KIF13B: variants seen among roughly 807,000 people sequenced by gnomAD.
The protein encoded by KIF13B is kinesin family member 13B.
A neutral mutation model predicts 222.0 loss-of-function variants in KIF13B; 127 were observed. The observed-to-expected ratio is 0.57, with a 90% CI of 0.50 to 0.66. The LOEUF (loss-of-function observed/expected upper bound fraction) is 0.66. KIF13B is among the 30% of genes least tolerant of loss of function. The pLI is 0.00. For missense variants in KIF13B, 2,173 were observed against 2,379.0 expected (o/e 0.91, Z 1.80); for synonymous variants, 976 against 919.0 (o/e 1.06, Z -1.12).
chr8:29,113,323 T>G, intron 32 of KIF13B, 140 bp downstream of exon 32: 1 of 538,088 alleles, frequency 1.9e-6, no homozygotes, highest in Non-Finnish European at 3.2e-6. Context: ...GAATTGATAT[T>G]AGAAAATTCC....
chr8:29,094,387 G>A (rs1330186753), intron 36 of KIF13B, among the ~76,000 whole-genome samples: 2 of 152,178 alleles, frequency 1.3e-5, no homozygotes, highest in Non-Finnish European at 1.5e-5. Context: ...ATGCATGGTC[G>A]TGAAGTATTT....
chr8:29,130,231 G>T (rs1370954837), intron 24 of KIF13B, among the ~76,000 whole-genome samples: 1 of 151,972 alleles, frequency 6.6e-6, no homozygotes, highest in African/African-American at 2.4e-5. Context: ...TCAATATTTG[G>T]CTGACAGCAG....
intron 4 of KIF13B, among the ~76,000 whole-genome samples, chr8:29,188,957 C>T (rs998053486): frequency 3.3e-5 from 5 of 152,176 alleles, no homozygotes; most frequent in African/African-American, 1.2e-4. Flanking sequence ...ACCACTCAGG[C>T]AATGCTTTTA....
chr8:29,141,170 A>C (rs1586833091), intron 19 of KIF13B, among the ~76,000 whole-genome samples: 1 of 152,056 alleles, frequency 6.6e-6, no homozygotes, highest in Admixed American at 6.6e-5. Flanking sequence ...CCCGTCTCTA[A>C]TAAAAATACA....
chr8:29,151,480 T>A (rs1310392579), intron 14 of KIF13B, among the ~76,000 whole-genome samples: 3 of 152,238 alleles, frequency 2.0e-5, no homozygotes, highest in Non-Finnish European at 4.4e-5. Context: ...AAAGCTTCAA[T>A]GGCAGGCTGA....
chr8:29,111,133 T>C (rs6992240), intron 32 of KIF13B, among the ~76,000 whole-genome samples: 95,966 of 152,104 alleles, frequency 0.63, 31,008 homozygotes, highest in Non-Finnish European at 0.69. Flanking sequence ...ATCTGAGCCT[T>C]GTAATAACCA....
chr8:29,146,054 G>A (rs1046931092), intron 18 of KIF13B: 5 of 541,040 alleles, frequency 9.2e-6, no homozygotes, highest in African/African-American at 7.6e-5. Context: ...GTAGCATAAG[G>A]AAGGAAAAAA....
chr8:29,186,955 C>G (rs951828980), intron 5 of KIF13B, among the ~76,000 whole-genome samples: 7 of 130,488 alleles, frequency 5.4e-5, no homozygotes, highest in Non-Finnish European at 1.1e-4. Flanking sequence ...GGCTACAGAG[C>G]AACACTCCAT....
At chr8:29,176,207 T>A in intron 9 of KIF13B, 28 bp from the exon 10 acceptor site, 1 of 1,321,860 alleles carries the variant, frequency 7.6e-7, no homozygotes. Context: ...CCAAAATAAT[T>A]ACAAAAATGA....
intron 2 of KIF13B, among the ~76,000 whole-genome samples, chr8:29,198,960 TG>T (rs1425075704): frequency 2.0e-5 from 3 of 152,100 alleles, no homozygotes; most frequent in Non-Finnish European, 4.4e-5. Context: ...GATTACATAT[TG>T]GGTACAATGT....
At chr8:29,217,183 G>C (rs1047766712) in intron 2 of KIF13B, among the ~76,000 whole-genome samples, 4 of 152,130 alleles carry the variant, frequency 2.6e-5, no homozygotes. Flanking sequence ...ACCCTGTAGA[G>C]GAGGCCTGCA....
At chr8:29,190,822 A>T (rs949200970) in intron 4 of KIF13B, 175 bp downstream of exon 4, 1 of 647,630 alleles carries the variant, frequency 1.5e-6, no homozygotes, top group South Asian at 1.7e-5. Flanking sequence ...TGCAGGGAAA[A>T]CTCCCCCAAC....
intron 24 of KIF13B, among the ~76,000 whole-genome samples, chr8:29,130,151 A>C (rs1199041940): frequency 2.0e-5 from 3 of 152,212 alleles, no homozygotes; most frequent in Admixed American, 2.0e-4. Flanking sequence ...ATCAATTCTA[A>C]GTTTTCCTTT....
At chr8:29,210,605 C>A (rs1194208347) in intron 2 of KIF13B, among the ~76,000 whole-genome samples, 1 of 152,132 alleles carries the variant, frequency 6.6e-6, no homozygotes, top group African/African-American at 2.4e-5. Flanking sequence ...TGAGAACCAA[C>A]AAGGAAATAT....
chr8:29,088,299 T>C (rs541660810), intron 37 of KIF13B, among the ~76,000 whole-genome samples: 12 of 152,264 alleles, frequency 7.9e-5, no homozygotes, highest in South Asian at 6.2e-4. Flanking sequence ...AAGGCTGTAA[T>C]ACTCACTTCA....
rs759399782 is a variant in KIF13B at position 29,182,004 on chromosome 8, C to G, written c.500G>C (p.Ser167Thr). The change falls in exon 7 of 40, where the codon AGC (serine) becomes ACC (threonine). Residue 167 changes from serine (S) to threonine (T), a missense_variant and splice_region_variant. By Grantham distance (58) the Ser-to-Thr change is moderately conservative. Transcript: ENST00000524189. ...KVRDLLDPKG[S>T]RQTLKVREHS... ...CTCTCTGACTTTCAACGTCTGACGG[C>G]TTCTGTTCATGAAAAACAAAGAAAT... 33 of 1,612,306 alleles carry G rather than the reference C, an allele frequency of 2.0e-5. No individual in the cohort carries two copies. Among genetic ancestry groups the G allele is most frequent in the Non-Finnish European group, 2.8e-5 (33 of 1,178,898 alleles).
rs180672746 is a variant in KIF13B, at chr8:29,181,160, G to A, written c.585+759C>T. ...CTTAAGGGTGTAGGCATGCTATCTCGTGTTGGTTCTAAGAGCCATCTTGAA... is the reference window on the plus strand; with the variant it reads ...CTTAAGGGTGTAGGCATGCTATCTCATGTTGGTTCTAAGAGCCATCTTGAA... On this transcript the variant is annotated intron_variant, in intron 7 of 39. Coordinates refer to ENST00000524189, the MANE Select transcript of KIF13B (RefSeq NM_015254.4). 4.3e-4 allele frequency among the ~76,000 whole-genome samples: 65 copies of A among 152,236 alleles called. 1 individual carries two copies. In the Middle Eastern group the frequency reaches 0.014, roughly 32 times the overall value.
intron 6 of KIF13B, among the ~76,000 whole-genome samples, chr8:29,184,817 G>C (rs529380465): frequency 6.6e-6 from 1 of 152,272 alleles, no homozygotes; most frequent in South Asian, 2.1e-4. Flanking sequence ...TCTCAGAAAA[G>C]TGATGATCTT....
chr8:29,109,289 G>T (rs1404693350), intron 34 of KIF13B, 145 bp downstream of exon 34: 4 of 672,954 alleles, frequency 5.9e-6, no homozygotes, highest in African/African-American at 5.4e-5. Context: ...AGACCCAGTG[G>T]GGTGGAGACC....
Sources: allele counts gnomAD v4.1 joint callset (sites outside exome capture counted in the v4.1 genomes callset), GRCh38; gene constraint gnomAD v4.1.1; transcripts MANE v1.5; gene names NCBI Gene and HGNC (gene_info 2026-07-23, HGNC 2026-07-21).